Variants in RNF144A observed in about 807,000 individuals in gnomAD.
The protein encoded by RNF144A is E3 ubiquitin-protein ligase RNF144A.
RNF144A carries 11 observed loss-of-function variants against 38.7 expected under a neutral mutation model. The ratio of observed to expected loss-of-function variants is 0.28; its 90% confidence interval spans 0.18 to 0.47. The LOEUF is 0.47. Ranked by LOEUF, RNF144A falls within the 20% of genes least tolerant of loss-of-function variation. The pLI, the probability that RNF144A is intolerant of heterozygous loss-of-function variation, is 0.99. For missense variants in RNF144A, 316 were observed against 377.2 expected, an observed-to-expected ratio of 0.84 and a Z score of 1.34; for synonymous variants, 149 against 143.9, an observed-to-expected ratio of 1.04 and a Z score of -0.25.
At chr2:6,928,870 G>T (rs148683114) in intron 1 of RNF144A, among the ~76,000 whole-genome samples, 48 of 151,830 alleles carry the variant, frequency 3.2e-4, no homozygotes, top group Non-Finnish European at 5.4e-4. Flanking sequence ...TTCGGTGATG[G>T]TCAGAAACTG....
intron 2 of RNF144A, among the ~76,000 whole-genome samples, chr2:6,956,490 G>A (rs910451426): frequency 6.6e-6 from 1 of 152,156 alleles, no homozygotes. Flanking sequence ...AGCCCTTTGA[G>A]TAGCAGGGCA....
intron 1 of RNF144A, among the ~76,000 whole-genome samples, chr2:6,938,028 G>C (rs909231435): frequency 1.3e-4 from 20 of 152,300 alleles, no homozygotes; most frequent in East Asian, 3.9e-4. Flanking sequence ...AGAGGCAGAG[G>C]GGGAGAGAGA....
chr2:7,050,377 A>G (rs971169944), intron 6 of RNF144A, among the ~76,000 whole-genome samples: 1 of 152,158 alleles, frequency 6.6e-6, no homozygotes, highest in Non-Finnish European at 1.5e-5. Flanking sequence ...TTCTGCCATG[A>G]TTGTGGGTCC....
At chr2:6,953,079 C>G (rs2103316826) in intron 2 of RNF144A, among the ~76,000 whole-genome samples, 1 of 152,220 alleles carries the variant, frequency 6.6e-6, no homozygotes, top group South Asian at 2.1e-4. Context: ...CAGCTAAAAA[C>G]AGCTCAATAA....
chr2:6,960,444 G>A (rs564809443), intron 2 of RNF144A, among the ~76,000 whole-genome samples: 2 of 152,288 alleles, frequency 1.3e-5, no homozygotes, highest in South Asian at 4.1e-4. Flanking sequence ...AGTCCACCTG[G>A]GCCCCTGGAT....
At chr2:7,031,955 G>A (rs533206043) in intron 8 of RNF144A, among the ~76,000 whole-genome samples, 1 of 152,394 alleles carries the variant, frequency 6.6e-6, no homozygotes, top group South Asian at 2.1e-4. Context: ...AAGTGACTGT[G>A]GTGATGGTTG....
At chr2:6,970,150 T>C (rs1445031244) in intron 2 of RNF144A, among the ~76,000 whole-genome samples, 1 of 152,204 alleles carries the variant, frequency 6.6e-6, no homozygotes, top group East Asian at 1.9e-4. Flanking sequence ...TGGGTCCTGA[T>C]ATGGTTTGGC....
intron 2 of RNF144A, among the ~76,000 whole-genome samples, chr2:6,993,700 G>A (rs982365485): frequency 1.2e-4 from 19 of 152,160 alleles, no homozygotes; most frequent in African/African-American, 4.1e-4. Context: ...GAGGCTTTAG[G>A]AGGTTTTGAT....
rs1452799149 is a variant in RNF144A, at chr2:7,042,879, C to G, written c.*3119C>G. The stretch of plus-strand genomic sequence containing the variant: ...TCTGGCATTTTCTTTCTTTTTTTTT[C>G]TTTTTGAGACGGAGTTTCGCTTTTG... On this transcript the variant is annotated 3_prime_UTR_variant, in exon 9 of 9. Transcript: ENST00000320892. 8.7e-5 allele frequency: 85 copies of G among 981,746 alleles called. No homozygotes were observed. The highest frequency in any genetic ancestry group is 9.9e-5 in the Non-Finnish European group (82 of 827,190). The allele number at this position is 981,746 out of a possible 1,614,324, so 60.8% of individuals were successfully genotyped here.
intron 8 of RNF144A, among the ~76,000 whole-genome samples, 191 bp downstream of exon 8, chr2:7,030,406 G>A (rs1473497767): frequency 2.0e-5 from 3 of 152,020 alleles, no homozygotes; most frequent in Non-Finnish European, 2.9e-5. Context: ...GCTGGTATAG[G>A]CTTATCCTTA....
At position 7,043,532 on chromosome 2, in the gene RNF144A, C is replaced by G; in HGVS notation, c.*3772C>G. 2 of 985,608 alleles carry G rather than the reference C, an allele frequency of 2.0e-6. No homozygotes were observed. The highest frequency in any genetic ancestry group is 2.4e-6 in the Non-Finnish European group (2 of 829,780). 61.1% of individuals were successfully genotyped at this position (985,608 alleles called of 1,614,324 possible). On this transcript the variant is annotated 3_prime_UTR_variant, in exon 9 of 9. Transcript: ENST00000320892. Reference sequence around the variant, plus strand: ...TGCATGTGTAAAGCTTCATGAAGTTCTCTTTAAAAAATACCAAAGCTTGTT... The same window carrying G: ...TGCATGTGTAAAGCTTCATGAAGTTGTCTTTAAAAAATACCAAAGCTTGTT...
At chr2:7,064,084 A>G (rs190286654) in intron 6 of RNF144A, among the ~76,000 whole-genome samples, 54 of 152,292 alleles carry the variant, frequency 3.5e-4, no homozygotes, top group Middle Eastern at 3.4e-3. Flanking sequence ...CAGGCTTGTG[A>G]TAACTAACCT....
intron 2 of RNF144A, among the ~76,000 whole-genome samples, chr2:6,949,210 A>C (rs1283276963): frequency 6.6e-6 from 1 of 152,222 alleles, no homozygotes; most frequent in Non-Finnish European, 1.5e-5. Flanking sequence ...CAGAATGAAG[A>C]GCCTGCTGTT....
intron 4 of RNF144A, 51 bp downstream of exon 4, chr2:7,014,609 G>A (rs1270486008): frequency 6.6e-7 from 1 of 1,517,748 alleles, no homozygotes; most frequent in Admixed American, 1.7e-5. Context: ...GGCGTGCACT[G>A]CTGAACTTGT....
intron 1 of RNF144A, among the ~76,000 whole-genome samples, chr2:6,927,105 C>T (rs1374979381): frequency 5.3e-5 from 8 of 152,182 alleles, no homozygotes; most frequent in South Asian, 2.1e-4. Context: ...CTGCTCTTCA[C>T]GTCTCCTGTT....
rs191522655 is a variant in RNF144A at position 7,053,428 on chromosome 2, G to T, written c.735-14788G>T. On this transcript the variant is annotated intron_variant, in intron 6 of 6. Transcript: ENST00000432850. The stretch of plus-strand genomic sequence containing the variant: ...ACTCAGGGTCTCACAAGGCTAAAAA[G>T]ATGTCAGCTGGGCTGTGTTTTCATC... 4.5e-3 allele frequency among the ~76,000 whole-genome samples: 678 copies of T among 152,346 alleles called. 2 individuals carry two copies. The highest frequency in any genetic ancestry group is 7.5e-3 in the Non-Finnish European group (509 of 68,032).
downstream of RNF144A, among the ~76,000 whole-genome samples, chr2:7,047,532 C>T (rs753605109): frequency 2.6e-5 from 4 of 152,136 alleles, no homozygotes; most frequent in East Asian, 5.8e-4. Flanking sequence ...ACGAGAATAG[C>T]GCAGGAAAGA....
chr2:6,921,687 G>C (rs1193496438), intron 1 of RNF144A, among the ~76,000 whole-genome samples: 1 of 152,212 alleles, frequency 6.6e-6, no homozygotes, highest in Non-Finnish European at 1.5e-5. Flanking sequence ...CGTGGGGTCA[G>C]GGCAGCATGG....
At chr2:6,953,373 G>C (rs1366901496) in intron 2 of RNF144A, among the ~76,000 whole-genome samples, 1 of 152,190 alleles carries the variant, frequency 6.6e-6, no homozygotes, top group African/African-American at 2.4e-5. Context: ...AGGTTGCAGT[G>C]AGCCAAGATC....
Sources: gnomAD v4.1 joint callset for allele counts (sites outside exome capture counted in the v4.1 genomes callset) on GRCh38, gnomAD v4.1.1 for gene constraint, MANE v1.5 for transcripts, NCBI Gene and HGNC (gene_info 2026-07-23, HGNC 2026-07-21) for gene names.